The following FHIP2A variants were observed in gnomAD, a reference collection of about 807,000 sequenced individuals.
FHIP2A encodes FHF complex subunit HOOK interacting protein 2A.
Under a neutral mutation model 93.5 loss-of-function variants are expected in FHIP2A, and 46 were observed. The observed-to-expected ratio is 0.49, with a 90% CI of 0.39 to 0.63. The LOEUF (loss-of-function observed/expected upper bound fraction) is 0.63, where lower values mean the gene tolerates loss of function less well. Ranked by LOEUF, FHIP2A falls within the 20% of genes least tolerant of loss-of-function variation. The pLI, the probability that FHIP2A is intolerant of heterozygous loss-of-function variation, is 0.00. For synonymous variants in FHIP2A, 332 were observed against 326.5 expected (o/e 1.02, Z -0.18); for missense variants, 769 against 909.7 (o/e 0.85, Z 1.99).
Position 114,845,384 on chromosome 10 carries a change from A to G in FHIP2A, c.1031A>G (p.His344Arg), listed in dbSNP as rs761311046. ...AINWGLDSYS[H>R]KEDASAFPGK... ...TCTTACAGCTTGGACTCATATAGTCATAAAGAAGATGCTTCAGCATTTCCA... is the reference window on the plus strand; with the variant it reads ...TCTTACAGCTTGGACTCATATAGTCGTAAAGAAGATGCTTCAGCATTTCCA... Residue 344 changes from histidine to arginine, a missense_variant, in exon 8 of 17, where the codon CAT becomes CGT. By Grantham distance (29) the His-to-Arg change is conservative. Transcript: ENST00000369248. The G allele has an allele frequency of 1.2e-6, 2 of 1,610,426 alleles. No individual in the cohort carries two copies. Among genetic ancestry groups the G allele is most frequent in the East Asian group, 4.5e-5 (2 of 44,786 alleles).
Position 114,863,325 on chromosome 10 carries a change from T to C in FHIP2A, c.*1785T>C, listed in dbSNP as rs376157918. On this transcript the variant is annotated 3_prime_UTR_variant, in exon 17 of 17. Coordinates refer to ENST00000369248, the MANE Select transcript of FHIP2A (RefSeq NM_020940.4). Reference sequence around the variant, plus strand: ...GATGTAGTAACAGTCTACTTTGATATATGAGTATTTAAACTAAGGCATTAA... The same window carrying C: ...GATGTAGTAACAGTCTACTTTGATACATGAGTATTTAAACTAAGGCATTAA... 18 of 979,278 alleles carry C rather than the reference T, an allele frequency of 1.8e-5. No homozygotes were observed. Among genetic ancestry groups the C allele is most frequent in the Non-Finnish European group, 2.2e-5 (18 of 823,856 alleles). 60.7% of individuals were successfully genotyped at this position (979,278 alleles called of 1,614,324 possible). A position where few individuals can be genotyped will look rare whatever the true frequency, so the allele number is the denominator to read the frequency against.
intron 14 of FHIP2A, 75 bp from the exon 15 acceptor site, chr10:114,860,674 C>T: frequency 8.0e-7 from 1 of 1,244,976 alleles, no homozygotes; most frequent in South Asian, 1.2e-5. Context: ...CTTAAAAGAA[C>T]AAATTGAAAT....
intron 13 of FHIP2A, among the ~76,000 whole-genome samples, chr10:114,851,491 A>G (rs2083735695): frequency 6.6e-6 from 1 of 151,902 alleles, no homozygotes. Context: ...CCGTGTATTG[A>G]CTTTAAGTGT....
intron 16 of FHIP2A, among the ~76,000 whole-genome samples, chr10:114,891,648 G>T (rs2083975661): frequency 6.7e-6 from 1 of 148,466 alleles, no homozygotes; most frequent in Non-Finnish European, 1.5e-5. Context: ...GTGGAGGCTT[G>T]ATCTGTCGCC....
At chr10:114,891,537 A>ATGTGTG (rs34032569) in intron 16 of FHIP2A, among the ~76,000 whole-genome samples, 1,895 of 137,184 alleles carry the variant, frequency 0.014, 25 homozygotes, top group African/African-American at 0.037. Context: ...ATATATATAT[A>ATGTGTG]TGTGTGTGTG....
chr10:114,891,008 A>G (rs1008388902), intron 16 of FHIP2A, among the ~76,000 whole-genome samples: 7 of 151,286 alleles, frequency 4.6e-5, no homozygotes, highest in African/African-American at 1.7e-4. Context: ...CCTGGCCAAC[A>G]TACTGAGACC....
chr10:114,827,763 C>G (rs2083585258), intron 1 of FHIP2A, among the ~76,000 whole-genome samples: 1 of 144,346 alleles, frequency 6.9e-6, no homozygotes, highest in African/African-American at 2.6e-5. Context: ...CGCCACTGCA[C>G]TCCAGCCTGG....
chr10:114,823,502 A>T (rs1261717856), intron 1 of FHIP2A, among the ~76,000 whole-genome samples: 1 of 150,874 alleles, frequency 6.6e-6, no homozygotes, highest in Non-Finnish European at 1.5e-5. Flanking sequence ...TTATTTATTT[A>T]TTTATTTTTT....
Position 114,855,485 on chromosome 10 carries a change from C to G in FHIP2A, c.1947+145C>G, listed in dbSNP as rs114536534. 2.5e-3 allele frequency: 1,729 copies of G among 686,938 alleles called. 38 individuals are homozygous for G. In the African/African-American group the frequency reaches 0.027, roughly 11 times the overall value. The allele number at this position is 686,938 out of a possible 1,614,324, so 42.6% of individuals were successfully genotyped here. On this transcript the variant is annotated intron_variant, in intron 14 of 16. Coordinates refer to ENST00000369248, the MANE Select transcript of FHIP2A (RefSeq NM_020940.4). ...ATGACTTTTTCATGAAGCTTGATTG[C>G]CAACAACTGGCAGATTTCTGATGCA...
chr10:114,862,444 G>A lies in FHIP2A; in HGVS notation c.*904G>A. 1 of 987,472 alleles carries A rather than the reference G, an allele frequency of 1.0e-6. No individual in the cohort carries two copies. The highest frequency in any genetic ancestry group is 1.2e-6 in the Non-Finnish European group (1 of 830,090). 61.2% of individuals were successfully genotyped at this position (987,472 alleles called of 1,614,324 possible). A position where few individuals can be genotyped will look rare whatever the true frequency, so the allele number is the denominator to read the frequency against. On this transcript the variant is annotated 3_prime_UTR_variant, in exon 17 of 17. Transcript: ENST00000369248. ...TGAAACGCATGGTGGTGTCTAGGTG[G>A]GGAACTGACTGATAACCCTTGGCAG...
At chr10:114,873,476 G>A (rs1320029930) in intron 16 of FHIP2A, among the ~76,000 whole-genome samples, 3 of 152,042 alleles carry the variant, frequency 2.0e-5, no homozygotes, top group South Asian at 2.1e-4. Flanking sequence ...CTGTATTCTC[G>A]GGAAGCAAAG....
chr10:114,831,288 G>A (rs921760311), intron 2 of FHIP2A, among the ~76,000 whole-genome samples: 6 of 152,206 alleles, frequency 3.9e-5, no homozygotes, highest in South Asian at 2.1e-4. Context: ...TAAAGAGTAC[G>A]TTGGGGTGGT....
intron 5 of FHIP2A, among the ~76,000 whole-genome samples, chr10:114,842,559 T>G (rs2083675157): frequency 6.6e-6 from 1 of 152,126 alleles, no homozygotes; most frequent in African/African-American, 2.4e-5. Context: ...TTATAAGAAT[T>G]AACATTGAGA....
intron 16 of FHIP2A, among the ~76,000 whole-genome samples, chr10:114,895,617 G>C (rs2083997392): frequency 6.6e-6 from 1 of 152,098 alleles, no homozygotes; most frequent in Non-Finnish European, 1.5e-5. Flanking sequence ...CTGTCAAGAG[G>C]GGACCAGTAT....
chr10:114,873,738 G>A (rs2083870330), intron 16 of FHIP2A, among the ~76,000 whole-genome samples: 1 of 152,178 alleles, frequency 6.6e-6, no homozygotes, highest in South Asian at 2.1e-4. Context: ...AACAGTTTCA[G>A]TTGGTTCCTG....
intron 11 of FHIP2A, 68 bp downstream of exon 11, chr10:114,846,796 T>C: frequency 7.4e-7 from 1 of 1,359,820 alleles, no homozygotes. Context: ...TCTCCTCTTA[T>C]CTACCTCCCT....
chr10:114,857,758 A>G (rs1049820103), intron 14 of FHIP2A, among the ~76,000 whole-genome samples: 3 of 152,236 alleles, frequency 2.0e-5, no homozygotes, highest in African/African-American at 4.8e-5. Context: ...TTCATGCATA[A>G]TTGAGAACTT....
At chr10:114,860,512 C>T (rs754132980) in intron 14 of FHIP2A, among the ~76,000 whole-genome samples, 7 of 152,022 alleles carry the variant, frequency 4.6e-5, no homozygotes, top group African/African-American at 7.2e-5. Context: ...GCCACCACAC[C>T]GGGCTAATTT....
intron 16 of FHIP2A, among the ~76,000 whole-genome samples, chr10:114,890,449 A>G (rs2083965204): frequency 6.7e-6 from 1 of 149,154 alleles, no homozygotes; most frequent in Non-Finnish European, 1.5e-5. Context: ...GTGTGTATAC[A>G]CACACATATA....
Sources: gnomAD v4.1 joint callset for allele counts (sites outside exome capture counted in the v4.1 genomes callset) on GRCh38, gnomAD v4.1.1 for gene constraint, MANE v1.5 for transcripts, NCBI Gene and HGNC (gene_info 2026-07-23, HGNC 2026-07-21) for gene names.